Variants in ADAM32 observed in about 807,000 individuals in gnomAD.
ADAM32 encodes the protein disintegrin and metalloproteinase domain-containing protein 32.
In ADAM32, 89 loss-of-function variants were observed where a neutral mutation model predicts 114.9. The ratio of observed to expected loss-of-function variants is 0.77; its 90% CI spans 0.65 to 0.92. The LOEUF (loss-of-function observed/expected upper bound fraction) is 0.92. Among genes scored for constraint, ADAM32 ranks in the 40% least tolerant of loss-of-function variants. The pLI, the probability that ADAM32 is intolerant of heterozygous loss-of-function variation, is 0.00. For synonymous variants in ADAM32, 285 were observed against 307.5 expected, an observed-to-expected ratio of 0.93 and a Z score of 0.77; for missense variants, 870 against 932.8, an observed-to-expected ratio of 0.93 and a Z score of 0.88.
chr8:39,250,714 T>C (rs898167798), intron 17 of ADAM32, among the ~76,000 whole-genome samples: 1 of 152,038 alleles, frequency 6.6e-6, no homozygotes, highest in Non-Finnish European at 1.5e-5. Flanking sequence ...TTTTGAAATA[T>C]ACAATAGGTT....
At chr8:39,258,149 A>G (rs1430905608) in intron 19 of ADAM32, among the ~76,000 whole-genome samples, 1 of 148,886 alleles carries the variant, frequency 6.7e-6, no homozygotes, top group Non-Finnish European at 1.5e-5. Context: ...TTTCTTTTTC[A>G]TGAGCAGTCC....
rs544249115 is a variant in ADAM32, at chr8:39,125,734, A to G, written c.138+7569A>G. On this transcript the variant is annotated intron_variant, in intron 2 of 24. Transcript: ENST00000379907. ...TTGCTTTTGGTGTTTTCATCATGAA[A>G]TCTTTATCCATACCTTTGTCCTGAA... is the stretch of plus-strand genomic sequence containing the variant. Among the ~76,000 whole-genome samples, 4 of 152,198 alleles carry G rather than the reference A, an allele frequency of 2.6e-5. No individual in the cohort carries two copies. The East Asian group carries it at 7.7e-4, about 29-fold the overall frequency.
intron 10 of ADAM32, among the ~76,000 whole-genome samples, chr8:39,174,635 A>G (rs376943168): frequency 1.7e-4 from 25 of 150,070 alleles, no homozygotes; most frequent in East Asian, 1.6e-3. Context: ...CATTAGGTAT[A>G]TCTCCCAGTG....
intron 10 of ADAM32, among the ~76,000 whole-genome samples, chr8:39,172,066 T>A (rs1056760456): frequency 6.6e-6 from 1 of 151,010 alleles, no homozygotes; most frequent in African/African-American, 2.4e-5. Flanking sequence ...AACTATTGAA[T>A]AAAGAAATAA....
At chr8:39,120,573 G>A (rs1345267774) in intron 2 of ADAM32, among the ~76,000 whole-genome samples, 1 of 151,782 alleles carries the variant, frequency 6.6e-6, no homozygotes, top group Non-Finnish European at 1.5e-5. Context: ...ACCAACCTGG[G>A]TAACATGGTG....
chr8:39,151,359 G>T lies in ADAM32; in HGVS notation c.354-18G>T, dbSNP rs1438527407. ...GATTTGATTAAAAGCACTTAAAATT[G>T]TATTCATAATTTCACAGAGGAATAC... On this transcript the variant is annotated intron_variant, in intron 5 of 24. Transcript: ENST00000379907. 1.4e-5 allele frequency: 21 copies of T among 1,549,116 alleles called. No homozygotes were observed. Among genetic ancestry groups the T allele is most frequent in the Non-Finnish European group, 1.8e-5 (21 of 1,152,134 alleles).
Position 39,234,102 on chromosome 8 carries a change from T to C in ADAM32, c.1818+20T>C. The C allele has an allele frequency of 3.1e-6, 4 of 1,298,272 alleles. No homozygotes were observed. The highest frequency in any genetic ancestry group is 4.0e-6 in the Non-Finnish European group (4 of 1,001,728). The allele number at this position is 1,298,272 out of a possible 1,614,324, so 80.4% of individuals were successfully genotyped here. ...GGGAGGGTAAATAATTTAAAATCTA[T>C]TTAAAAAATATAGTTTTATTTATTG... On this transcript the variant is annotated intron_variant, in intron 16 of 24. Coordinates refer to ENST00000379907, the MANE Select transcript of ADAM32 (RefSeq NM_145004.7).
chr8:39,175,690 A>T (rs1406067217), intron 10 of ADAM32, among the ~76,000 whole-genome samples: 1 of 152,178 alleles, frequency 6.6e-6, no homozygotes, highest in Non-Finnish European at 1.5e-5. Flanking sequence ...CGCTGGGTTC[A>T]TAAAATGAAT....
At chr8:39,165,354 C>T in intron 9 of ADAM32, 158 bp downstream of exon 9, 1 of 552,102 alleles carries the variant, frequency 1.8e-6, no homozygotes. Context: ...AGTTGTCAGG[C>T]AATAAAAAAC....
rs189028418 is a variant in ADAM32 at position 39,173,089 on chromosome 8, C to T, written c.915+3092C>T. Among the ~76,000 whole-genome samples, 183 of 152,252 alleles carry T rather than the reference C, an allele frequency of 1.2e-3. No homozygotes were observed. In the East Asian group the frequency reaches 0.015, roughly 13 times the overall value. On this transcript the variant is annotated intron_variant, in intron 10 of 24. Transcript: ENST00000379907. Reference sequence around the variant, plus strand: ...CCTGACCAACATGGTGAAACCTTGTCGCTACTAACAATACAAAAATTAGCC... The same window carrying T: ...CCTGACCAACATGGTGAAACCTTGTTGCTACTAACAATACAAAAATTAGCC...
At chr8:39,165,654 A>G (rs1804785109) in intron 9 of ADAM32, 1 of 152,320 alleles carries the variant, frequency 6.6e-6, no homozygotes, top group Non-Finnish European at 1.5e-5. Flanking sequence ...TTTTCTAATT[A>G]TAAATTATAG....
chr8:39,179,470 T>G (rs889687578), intron 10 of ADAM32, among the ~76,000 whole-genome samples: 3 of 152,158 alleles, frequency 2.0e-5, no homozygotes, highest in African/African-American at 7.2e-5. Context: ...CTGGCAGGAA[T>G]TCCTGGGGCT....
Position 39,246,095 on chromosome 8 carries a change from C to T in ADAM32, c.1831C>T (p.Arg611Cys), listed in dbSNP as rs957652162. Residue 611 changes from arginine (R) to cysteine (C), a missense_variant, in exon 17 of 25, where the codon CGT becomes TGT. Transcript: ENST00000379907. ...QCDIGRVCVN[R>C]ECVESRIIKA... ...TGTTTTTCTTTAGGTTTGTGTAAAT[C>T]GTGAATGTGTAGAATCAAGGATAAT... 2.5e-5 allele frequency: 41 copies of T among 1,613,208 alleles called. No individual in the cohort carries two copies. The highest frequency in any genetic ancestry group is 3.3e-4 in the Middle Eastern group (2 of 6,070).
intron 3 of ADAM32, among the ~76,000 whole-genome samples, chr8:39,145,706 TG>T (rs1295600170): frequency 6.6e-6 from 1 of 152,116 alleles, no homozygotes; most frequent in Non-Finnish European, 1.5e-5. Context: ...TTTATTTTTT[TG>T]TTTAATGTAT....
intron 16 of ADAM32, among the ~76,000 whole-genome samples, chr8:39,239,640 T>C (rs575863320): frequency 7.6e-4 from 115 of 152,308 alleles, no homozygotes; most frequent in Non-Finnish European, 1.1e-3. Flanking sequence ...TGGCAGAATG[T>C]ATAATAATTC....
chr8:39,203,490 C>T (rs187915718), intron 11 of ADAM32, among the ~76,000 whole-genome samples: 17 of 152,192 alleles, frequency 1.1e-4, no homozygotes, highest in East Asian at 3.9e-4. Flanking sequence ...CTTGGTAGAT[C>T]GTCCTCCATC....
chr8:39,210,994 A>G, intron 11 of ADAM32, 150 bp from the exon 12 acceptor site: 1 of 567,940 alleles, frequency 1.8e-6, no homozygotes, highest in Non-Finnish European at 2.7e-6. Context: ...AAATCACATG[A>G]CATCCTCAAG....
intron 15 of ADAM32, 56 bp from the exon 16 acceptor site, chr8:39,233,843 G>A (rs1809910413): frequency 6.1e-6 from 7 of 1,152,536 alleles, no homozygotes; most frequent in Non-Finnish European, 3.4e-6. Context: ...CAAATCCAAA[G>A]CATTCCTAAT....
intron 7 of ADAM32, among the ~76,000 whole-genome samples, chr8:39,161,558 T>G (rs530285161): frequency 2.0e-5 from 3 of 152,358 alleles, no homozygotes; most frequent in African/African-American, 7.2e-5. Context: ...AGGTATGTCT[T>G]TATTTCTTTT....
Sources: gnomAD v4.1 joint callset for allele counts (sites outside exome capture counted in the v4.1 genomes callset) on GRCh38, gnomAD v4.1.1 for gene constraint, MANE v1.5 for transcripts, NCBI Gene and HGNC (gene_info 2026-07-23, HGNC 2026-07-21) for gene names.